CD96: variants seen among roughly 807,000 people sequenced by gnomAD.
CD96 encodes the protein CD96 molecule.
Under a neutral mutation model 71.3 loss-of-function variants are expected in CD96, and 70 were observed. The ratio of observed to expected loss-of-function variants is 0.98; its 90% CI spans 0.81 to 1.20. The LOEUF (loss-of-function observed/expected upper bound fraction) is 1.20. Among genes scored for constraint, CD96 ranks in the 50% most tolerant of loss-of-function variants. The pLI is 0.00. For missense variants in CD96, 742 were observed against 677.5 expected, an observed-to-expected ratio of 1.10 and a Z score of -1.06; for synonymous variants, 248 against 233.0, an observed-to-expected ratio of 1.06 and a Z score of -0.59.
chr3:111,567,385 A>C (rs981405191), intron 2 of CD96, 138 bp from the exon 3 acceptor site: 6 of 680,960 alleles, frequency 8.8e-6, no homozygotes, highest in Middle Eastern at 4.0e-4. Context: ...CTATCGTGGG[A>C]GTTTGCCTCT....
intron 4 of CD96, among the ~76,000 whole-genome samples, chr3:111,583,488 C>T: frequency 6.6e-6 from 1 of 152,230 alleles, no homozygotes; most frequent in East Asian, 1.9e-4. Flanking sequence ...GGGCTCCAAC[C>T]CCACATTTCC....
intron 14 of CD96, among the ~76,000 whole-genome samples, chr3:111,663,198 A>T (rs1940398119): frequency 6.6e-6 from 1 of 152,176 alleles, no homozygotes; most frequent in Admixed American, 6.5e-5. Context: ...ACTTTTAAAC[A>T]AATCTGTGAG....
chr3:111,563,762 T>G (rs904336406), intron 2 of CD96, among the ~76,000 whole-genome samples: 1 of 152,210 alleles, frequency 6.6e-6, no homozygotes, highest in Non-Finnish European at 1.5e-5. Context: ...CAATTATATA[T>G]TCTTAGTGCT....
chr3:111,579,179 C>T lies in CD96; in HGVS notation c.696C>T (p.His232=), dbSNP rs997968703. The change falls in exon 4 of 14, where the codon CAC becomes CAT. Residue 232 remains histidine, a synonymous_variant. Coordinates refer to ENST00000352690, the MANE Select transcript of CD96 (RefSeq NM_005816.5). ...IFDDGRKFSC[H]IRVGPNKILR... is the part of the protein sequence containing the mutation. ...ATGATGGGCGGAAGTTCTCTTGCCA[C>T]ATTAGAGTCGGTCCTAACAAAATCT... The T allele has an allele frequency of 6.2e-7, 1 of 1,611,750 alleles. No homozygotes were observed. Among genetic ancestry groups the T allele is most frequent in the East Asian group, 2.2e-5 (1 of 44,878 alleles).
chr3:111,636,375 C>T (rs1939328780), intron 10 of CD96, among the ~76,000 whole-genome samples: 1 of 152,174 alleles, frequency 6.6e-6, no homozygotes, highest in Admixed American at 6.5e-5. Flanking sequence ...CACAAGAAAG[C>T]TTTTAACTAT....
chr3:111,562,132 C>T (rs1219360603), intron 2 of CD96, among the ~76,000 whole-genome samples: 1 of 152,210 alleles, frequency 6.6e-6, no homozygotes, highest in Non-Finnish European at 1.5e-5. Context: ...GAGATGAACC[C>T]AGTACCTCAG....
downstream of CD96, among the ~76,000 whole-genome samples, chr3:111,652,710 A>C (rs1235744699): frequency 6.6e-6 from 1 of 152,162 alleles, no homozygotes; most frequent in Admixed American, 6.5e-5. Context: ...AGTAGTTCAG[A>C]GGAACTTTTC....
In CD96 at chr3:111,637,250, C is replaced by A; in HGVS notation, c.1376C>A (p.Ser459Ter). 6.4e-7 allele frequency: 1 copy of A among 1,562,356 alleles called. No individual in the cohort carries two copies. Among genetic ancestry groups the A allele is most frequent in the Non-Finnish European group, 8.8e-7 (1 of 1,132,774 alleles). ...AGTTCATCCCCGTCAGGTGCAGGCT[C>A]AACACTTCATGGTGAGTACTTGGGG... ...TYSSSPSGAG[S>*]TLHDNVFTST... Residue 459 changes from serine (S) to a stop codon, truncating the protein, a stop_gained, in exon 11 of 14, where the codon TCA (serine) becomes TAA (stop). Transcript: ENST00000352690. LOFTEE classifies it high-confidence loss of function.
chr3:111,611,957 T>C (rs956415319), intron 8 of CD96, among the ~76,000 whole-genome samples: 1 of 152,212 alleles, frequency 6.6e-6, no homozygotes, highest in Non-Finnish European at 1.5e-5. Context: ...AGTGCCCATG[T>C]TATCCTGACC....
chr3:111,643,189 G>A (rs541097808), intron 12 of CD96, among the ~76,000 whole-genome samples: 21 of 150,960 alleles, frequency 1.4e-4, no homozygotes, highest in South Asian at 6.3e-4. Context: ...TACACAAGCC[G>A]ATAAATGTGA....
chr3:111,639,115 G>T (rs562110063), intron 12 of CD96, among the ~76,000 whole-genome samples: 1 of 152,182 alleles, frequency 6.6e-6, no homozygotes, highest in South Asian at 2.1e-4. Context: ...CAGATCAACT[G>T]CAAGAACAAA....
At chr3:111,653,870 A>T (rs968998061), downstream of CD96, among the ~76,000 whole-genome samples, 1 of 152,172 alleles carries the variant, frequency 6.6e-6, no homozygotes, top group African/African-American at 2.4e-5. Flanking sequence ...AAACAATGAA[A>T]AGTAGAAATA....
chr3:111,586,024 T>C (rs567463207), intron 5 of CD96, among the ~76,000 whole-genome samples: 48 of 152,352 alleles, frequency 3.2e-4, no homozygotes, highest in African/African-American at 1.1e-3. Context: ...TGCAGTCAGT[T>C]TCCCCATCTA....
At chr3:111,637,913 A>G (rs530510561) in intron 11 of CD96, among the ~76,000 whole-genome samples, 166 bp from the exon 12 acceptor site, 1 of 152,076 alleles carries the variant, frequency 6.6e-6, no homozygotes, top group Admixed American at 6.5e-5. Context: ...TCAGGATCCC[A>G]GCCTTGCTAT....
intron 12 of CD96, among the ~76,000 whole-genome samples, chr3:111,642,680 G>A (rs542310390): frequency 4.3e-4 from 66 of 151,992 alleles, no homozygotes; most frequent in Admixed American, 8.5e-4. Flanking sequence ...GGTGGCAGGC[G>A]CCTATAATCC....
At chr3:111,621,829 C>T (rs989741348) in intron 8 of CD96, among the ~76,000 whole-genome samples, 1 of 152,122 alleles carries the variant, frequency 6.6e-6, no homozygotes, top group African/African-American at 2.4e-5. Flanking sequence ...ATGGGAAAAT[C>T]CTCAGTACTA....
chr3:111,572,498 T>G (rs540634485), intron 3 of CD96, among the ~76,000 whole-genome samples: 1 of 152,354 alleles, frequency 6.6e-6, no homozygotes, highest in African/African-American at 2.4e-5. Context: ...TCCATATTTT[T>G]GGTCTTTAAT....
chr3:111,644,608 A>G (rs1939740965), intron 12 of CD96, among the ~76,000 whole-genome samples: 1 of 152,210 alleles, frequency 6.6e-6, no homozygotes, highest in Non-Finnish European at 1.5e-5. Context: ...AACCTTCACA[A>G]TCTATACTTC....
intron 5 of CD96, among the ~76,000 whole-genome samples, chr3:111,589,957 G>A (rs910386091): frequency 7.2e-5 from 11 of 152,132 alleles, no homozygotes; most frequent in African/African-American, 2.4e-4. Context: ...ACTTCAGAGG[G>A]TTCTTAGGAA....
Sources: allele counts gnomAD v4.1 joint callset (sites outside exome capture counted in the v4.1 genomes callset), GRCh38; gene constraint gnomAD v4.1.1; transcripts MANE v1.5; gene names NCBI Gene and HGNC (gene_info 2026-07-23, HGNC 2026-07-21).